The following NDUFAF2 variants were observed in gnomAD, a reference collection of about 807,000 sequenced individuals.
The protein encoded by NDUFAF2 is NADH dehydrogenase [ubiquinone] 1 alpha subcomplex assembly factor 2.
In NDUFAF2, 13 loss-of-function variants were observed where a neutral mutation model predicts 22.8. That is an observed-to-expected ratio of 0.57 (90% CI 0.37 to 0.91). The LOEUF (loss-of-function observed/expected upper bound fraction) is 0.91, where lower values mean the gene tolerates loss of function less well. Ranked by LOEUF, NDUFAF2 falls within the 40% of genes least tolerant of loss-of-function variation. The pLI is 0.01. For synonymous variants in NDUFAF2, 53 were observed against 64.2 expected (o/e 0.83, Z 0.84); for missense variants, 162 against 195.2 (o/e 0.83, Z 1.01).
chr5:61,113,250 T>C (rs2545475), intron 3 of NDUFAF2, among the ~76,000 whole-genome samples: 91,442 of 152,044 alleles, frequency 0.6, 28,255 homozygotes, highest in East Asian at 0.94. Flanking sequence ...TACTAGTGAG[T>C]TTGTTACCTT....
chr5:61,129,303 A>G (rs1282151342), intron 3 of NDUFAF2, among the ~76,000 whole-genome samples: 1 of 152,174 alleles, frequency 6.6e-6, no homozygotes, highest in African/African-American at 2.4e-5. Context: ...TATATACCCA[A>G]AGAATTATAA....
chr5:61,072,827 C>A (rs1752316621), intron 1 of NDUFAF2, among the ~76,000 whole-genome samples: 1 of 152,136 alleles, frequency 6.6e-6, no homozygotes, highest in Non-Finnish European at 1.5e-5. Context: ...ATCTTGAACT[C>A]CTGAGCTCAG....
intron 1 of NDUFAF2, among the ~76,000 whole-genome samples, chr5:61,042,359 A>T (rs973129085): frequency 2.0e-5 from 3 of 152,204 alleles, no homozygotes; most frequent in Admixed American, 6.5e-5. Context: ...ATATTATTGT[A>T]TAAAAAGGAA....
chr5:61,005,166 C>A (rs961342753), intron 1 of NDUFAF2, among the ~76,000 whole-genome samples: 1 of 152,076 alleles, frequency 6.6e-6, no homozygotes, highest in African/African-American at 2.4e-5. Context: ...CAGTTCCCAC[C>A]TATGAGTAAG....
intron 1 of NDUFAF2, among the ~76,000 whole-genome samples, chr5:61,062,590 G>T (rs1238065390): frequency 6.6e-6 from 1 of 152,114 alleles, no homozygotes; most frequent in African/African-American, 2.4e-5. Context: ...TACTATGGGA[G>T]AAATGCACTT....
intron 3 of NDUFAF2, among the ~76,000 whole-genome samples, chr5:61,123,357 A>G (rs1752998777): frequency 6.6e-6 from 1 of 152,150 alleles, no homozygotes; most frequent in Non-Finnish European, 1.5e-5. Context: ...AGTATAGCCT[A>G]CTACACACCC....
chr5:61,083,915 A>G lies in NDUFAF2; in HGVS notation c.217+10701A>G, dbSNP rs148441097. On this transcript the variant is annotated intron_variant, in intron 2 of 3. Coordinates refer to ENST00000296597, the MANE Select transcript of NDUFAF2 (RefSeq NM_174889.5). The stretch of plus-strand genomic sequence containing the variant: ...CTTCTTGTGGTTGTCTGCATAAACA[A>G]TCTTTTCCTTCTGTTTCTTCTATTC... Among the ~76,000 whole-genome samples, 5 of 151,878 alleles carry G rather than the reference A, an allele frequency of 3.3e-5. 1 individual carries two copies. The highest frequency in any genetic ancestry group is 4.2e-4 in the South Asian group (2 of 4,802).
At chr5:61,040,371 C>T (rs1242586581) in intron 1 of NDUFAF2, among the ~76,000 whole-genome samples, 1 of 151,670 alleles carries the variant, frequency 6.6e-6, no homozygotes, top group Non-Finnish European at 1.5e-5. Context: ...CTAGAAAAGG[C>T]AAAGAAAGAT....
intron 1 of NDUFAF2, among the ~76,000 whole-genome samples, chr5:61,032,164 C>T (rs972129163): frequency 6.6e-6 from 1 of 152,074 alleles, no homozygotes; most frequent in Non-Finnish European, 1.5e-5. Flanking sequence ...AATTTTCTCC[C>T]ATTCTGTAGG....
chr5:61,091,343 G>A (rs188621620), intron 2 of NDUFAF2, among the ~76,000 whole-genome samples: 145 of 152,122 alleles, frequency 9.5e-4, no homozygotes, highest in Middle Eastern at 3.4e-3. Flanking sequence ...CCTTGCTAGT[G>A]TCTGTTATTT....
chr5:61,144,822 C>G (rs532083064), intron 3 of NDUFAF2, among the ~76,000 whole-genome samples: 2 of 152,328 alleles, frequency 1.3e-5, no homozygotes, highest in African/African-American at 2.4e-5. Context: ...TTTTCTTTCT[C>G]TCTCCCAACA....
intron 1 of NDUFAF2, among the ~76,000 whole-genome samples, chr5:60,998,308 A>G (rs1262238135): frequency 6.6e-6 from 1 of 152,154 alleles, no homozygotes; most frequent in East Asian, 1.9e-4. Context: ...ATGTATTATT[A>G]TAGATGATTT....
intron 3 of NDUFAF2, among the ~76,000 whole-genome samples, chr5:61,144,082 A>G (rs1741096665): frequency 6.6e-6 from 1 of 151,668 alleles, no homozygotes; most frequent in Non-Finnish European, 1.5e-5. Flanking sequence ...TAAAGGGCTG[A>G]GCATTAACTC....
chr5:61,042,962 G>A (rs1400127495), intron 1 of NDUFAF2, among the ~76,000 whole-genome samples: 2 of 152,196 alleles, frequency 1.3e-5, no homozygotes, highest in Non-Finnish European at 2.9e-5. Context: ...GCTCATGCCT[G>A]TAATCCCAGC....
chr5:61,119,396 AT>A (rs370142402), intron 3 of NDUFAF2, among the ~76,000 whole-genome samples: 91 of 152,082 alleles, frequency 6.0e-4, no homozygotes, highest in African/African-American at 2.1e-3. Context: ...TGTTTTTAGT[AT>A]TTTTTTTCTA....
At chr5:60,994,246 G>T (rs1751199192) in intron 1 of NDUFAF2, among the ~76,000 whole-genome samples, 1 of 152,252 alleles carries the variant, frequency 6.6e-6, no homozygotes, top group Non-Finnish European at 1.5e-5. Flanking sequence ...AGCCTGTTGG[G>T]GCAGGAGGAG....
At chr5:61,075,661 C>G (rs2111735543) in intron 2 of NDUFAF2, among the ~76,000 whole-genome samples, 1 of 152,146 alleles carries the variant, frequency 6.6e-6, no homozygotes, top group Non-Finnish European at 1.5e-5. Flanking sequence ...CTGTCCTGAT[C>G]TAGTAATTTG....
chr5:61,073,068 T>A, intron 1 of NDUFAF2, 57 bp from the exon 2 acceptor site: 1 of 1,043,076 alleles, frequency 9.6e-7, no homozygotes, highest in East Asian at 2.4e-5. Flanking sequence ...AGATTAATTG[T>A]AGAACTACTG....
intron 1 of NDUFAF2, among the ~76,000 whole-genome samples, chr5:60,948,714 T>C (rs77600246): frequency 0.013 from 2,008 of 152,308 alleles, 48 homozygotes; most frequent in African/African-American, 0.046. Context: ...TTCATAGATA[T>C]TTGGGTTGTT....
Sources: gnomAD v4.1 joint callset for allele counts (sites outside exome capture counted in the v4.1 genomes callset) on GRCh38, gnomAD v4.1.1 for gene constraint, MANE v1.5 for transcripts, NCBI Gene and HGNC (gene_info 2026-07-23, HGNC 2026-07-21) for gene names.